The following PLCB1 variants were observed in gnomAD, a reference collection of about 807,000 sequenced individuals.
PLCB1 encodes the protein 1-phosphatidylinositol 4,5-bisphosphate phosphodiesterase beta-1.
In PLCB1, 46 loss-of-function variants were observed where a neutral mutation model predicts 161.8. The ratio of observed to expected loss-of-function variants is 0.28; its 90% CI spans 0.22 to 0.36. The LOEUF (loss-of-function observed/expected upper bound fraction) is 0.36, where lower values mean the gene tolerates loss of function less well. Ranked by LOEUF, PLCB1 falls within the 10% of genes least tolerant of loss-of-function variation. PLCB1 has a pLI of 1.00. For missense variants in PLCB1, 1,016 were observed against 1,472.5 expected (o/e 0.69, Z 5.07); for synonymous variants, 517 against 503.7 (o/e 1.03, Z -0.35).
intron 2 of PLCB1, among the ~76,000 whole-genome samples, chr20:8,273,484 A>C (rs980902283): frequency 6.6e-6 from 1 of 152,150 alleles, no homozygotes; most frequent in Non-Finnish European, 1.5e-5. Flanking sequence ...CTAAGCTTTT[A>C]TGGTGCAAAA....
At position 8,884,299 on chromosome 20, in the gene PLCB1, T is replaced by G. The variant is rs1398906209; in HGVS notation, c.*2450T>G. On this transcript the variant is annotated 3_prime_UTR_variant, in exon 32 of 32. Coordinates refer to ENST00000338037, the MANE Select transcript of PLCB1 (RefSeq NM_015192.4). ...CTAAGATAAAGAAAAGGGGTCTGTA[T>G]GATGTGCAGTTTTGTGCCTTTATGT... 1 of 152,584 alleles carries G rather than the reference T, an allele frequency of 6.6e-6. No individual in the cohort carries two copies. The highest frequency in any genetic ancestry group is 1.5e-5 in the Non-Finnish European group (1 of 68,004). The allele number at this position is 152,584 out of a possible 1,614,324, so 9.5% of individuals were successfully genotyped here.
chr20:8,317,868 T>C (rs1446767607), intron 2 of PLCB1, among the ~76,000 whole-genome samples: 3 of 152,200 alleles, frequency 2.0e-5, no homozygotes, highest in African/African-American at 7.2e-5. Flanking sequence ...AATTATTAAA[T>C]AACCCATTCA....
At chr20:8,695,255 G>A (rs954783518) in intron 10 of PLCB1, among the ~76,000 whole-genome samples, 1 of 152,188 alleles carries the variant, frequency 6.6e-6, no homozygotes, top group African/African-American at 2.4e-5. Context: ...GCTGGTGGTT[G>A]AGTATTATGA....
At chr20:8,429,698 T>C (rs1168220151) in intron 3 of PLCB1, among the ~76,000 whole-genome samples, 1 of 152,040 alleles carries the variant, frequency 6.6e-6, no homozygotes, top group Non-Finnish European at 1.5e-5. Flanking sequence ...CATCAACATA[T>C]TTCTATTAGA....
At chr20:8,832,383 T>C (rs1420121515) in intron 31 of PLCB1, among the ~76,000 whole-genome samples, 1 of 152,210 alleles carries the variant, frequency 6.6e-6, no homozygotes, top group Non-Finnish European at 1.5e-5. Context: ...TTTAAACTAA[T>C]TAAATTTCAT....
At chr20:8,522,912 A>G (rs974960176) in intron 3 of PLCB1, among the ~76,000 whole-genome samples, 1 of 152,150 alleles carries the variant, frequency 6.6e-6, no homozygotes, top group African/African-American at 2.4e-5. Flanking sequence ...CCTGCTTCTC[A>G]AATAAGGAAA....
chr20:8,265,838 T>C (rs1600273323), intron 2 of PLCB1, among the ~76,000 whole-genome samples: 1 of 152,228 alleles, frequency 6.6e-6, no homozygotes, highest in Non-Finnish European at 1.5e-5. Flanking sequence ...TCATTGTTTT[T>C]ATTATTTTTA....
At chr20:8,780,614 C>T (rs1983168907) in intron 27 of PLCB1, among the ~76,000 whole-genome samples, 2 of 152,142 alleles carry the variant, frequency 1.3e-5, no homozygotes, top group South Asian at 4.1e-4. Context: ...GACCCCAAAC[C>T]AACGTTAGTA....
chr20:8,482,464 C>G (rs1459188150), intron 3 of PLCB1, among the ~76,000 whole-genome samples: 1 of 152,010 alleles, frequency 6.6e-6, no homozygotes, highest in Non-Finnish European at 1.5e-5. Context: ...TTTTGTACAG[C>G]TTCACAAATT....
chr20:8,815,140 T>C (rs150056007), intron 31 of PLCB1, among the ~76,000 whole-genome samples: 16 of 152,338 alleles, frequency 1.1e-4, no homozygotes, highest in African/African-American at 3.8e-4. Context: ...GTTCCAGTCT[T>C]CTTTTCTCTG....
intron 2 of PLCB1, among the ~76,000 whole-genome samples, chr20:8,225,479 A>G (rs191101860): frequency 6.6e-6 from 1 of 152,278 alleles, no homozygotes; most frequent in East Asian, 1.9e-4. Context: ...GGCTTATAGT[A>G]TTTTAGAATA....
At chr20:8,376,465 A>G (rs1987083753) in intron 3 of PLCB1, among the ~76,000 whole-genome samples, 1 of 152,116 alleles carries the variant, frequency 6.6e-6, no homozygotes, top group Admixed American at 6.5e-5. Flanking sequence ...TTATTGATTC[A>G]TTGATTGATT....
intron 2 of PLCB1, among the ~76,000 whole-genome samples, chr20:8,198,018 T>G (rs1183813611): frequency 6.6e-6 from 1 of 152,184 alleles, no homozygotes; most frequent in Non-Finnish European, 1.5e-5. Flanking sequence ...CATTGGTCTA[T>G]ATCTCTATTT....
chr20:8,847,186 C>G (rs1271296000), intron 31 of PLCB1, among the ~76,000 whole-genome samples: 1 of 149,728 alleles, frequency 6.7e-6, no homozygotes, highest in Non-Finnish European at 1.5e-5. Flanking sequence ...ACACCATCCT[C>G]AGACATTCTG....
At chr20:8,739,600 C>A (rs774704158) in intron 21 of PLCB1, among the ~76,000 whole-genome samples, 33 of 152,148 alleles carry the variant, frequency 2.2e-4, no homozygotes, top group Non-Finnish European at 4.4e-4. Context: ...AAATATTTAT[C>A]TTCGTGCTCA....
intron 19 of PLCB1, 65 bp downstream of exon 19, chr20:8,733,457 G>A: frequency 7.2e-7 from 1 of 1,385,624 alleles, no homozygotes. Context: ...ATTGCATAAA[G>A]AAGTGGCTTA....
At chr20:8,332,352 C>T (rs1985396004) in intron 2 of PLCB1, among the ~76,000 whole-genome samples, 1 of 152,162 alleles carries the variant, frequency 6.6e-6, no homozygotes, top group South Asian at 2.1e-4. Flanking sequence ...TCCTTGCAAA[C>T]AGGCTAAGGT....
chr20:8,733,844 G>A (rs1194075234), intron 19 of PLCB1, among the ~76,000 whole-genome samples: 2 of 148,716 alleles, frequency 1.3e-5, no homozygotes, highest in African/African-American at 4.9e-5. Context: ...TGGTAGGGTC[G>A]GGCGCAGTGA....
At chr20:8,794,120 G>A (rs1266153460) in intron 31 of PLCB1, among the ~76,000 whole-genome samples, 2 of 152,052 alleles carry the variant, frequency 1.3e-5, no homozygotes, top group Non-Finnish European at 2.9e-5. Flanking sequence ...TTTTTTCAAG[G>A]TGCCCCAGAT....
Sources: allele counts gnomAD v4.1 joint callset (sites outside exome capture counted in the v4.1 genomes callset), GRCh38; gene constraint gnomAD v4.1.1; transcripts MANE v1.5; gene names NCBI Gene and HGNC (gene_info 2026-07-23, HGNC 2026-07-21).